Variants in CRTC3 observed in about 807,000 individuals in gnomAD.
The protein encoded by CRTC3 is CREB-regulated transcription coactivator 3.
Under a neutral mutation model 74.5 loss-of-function variants are expected in CRTC3, and 26 were observed. The ratio of observed to expected loss-of-function variants is 0.35; its 90% CI spans 0.26 to 0.48. The LOEUF (loss-of-function observed/expected upper bound fraction) is 0.48, where lower values mean the gene tolerates loss of function less well. Among genes scored for constraint, CRTC3 ranks in the 20% least tolerant of loss-of-function variants. The probability of loss-of-function intolerance (pLI) is 0.99; values close to 1 mark genes in which losing one functional copy is unlikely to be tolerated. For missense variants in CRTC3, 760 were observed against 787.3 expected, an observed-to-expected ratio of 0.97 and a Z score of 0.41; for synonymous variants, 377 against 325.8, an observed-to-expected ratio of 1.16 and a Z score of -1.69.
At chr15:90,621,934 A>G (rs1337384465) in intron 9 of CRTC3, among the ~76,000 whole-genome samples, 1 of 152,252 alleles carries the variant, frequency 6.6e-6, no homozygotes, top group Non-Finnish European at 1.5e-5. Flanking sequence ...ATAATCTAGT[A>G]GAGCAAGATG....
At chr15:90,603,311 C>G (rs1291897292) in intron 4 of CRTC3, among the ~76,000 whole-genome samples, 1 of 149,240 alleles carries the variant, frequency 6.7e-6, no homozygotes, top group Admixed American at 6.7e-5. Context: ...GGCGTGGTGG[C>G]AGGCGCCTGT....
chr15:90,564,381 C>T (rs113429526), intron 2 of CRTC3, among the ~76,000 whole-genome samples: 9,696 of 152,186 alleles, frequency 0.064, 1,030 homozygotes, highest in African/African-American at 0.22. Flanking sequence ...GTAGTAGCTG[C>T]TCCTTTGCCT....
intron 10 of CRTC3, 35 bp from the exon 11 acceptor site, chr15:90,629,199 A>C (rs1469672438): frequency 6.3e-7 from 1 of 1,587,654 alleles, no homozygotes; most frequent in Non-Finnish European, 8.6e-7. Flanking sequence ...TTTGGTCTGA[A>C]ATTATAAGTA....
intron 2 of CRTC3, among the ~76,000 whole-genome samples, chr15:90,547,910 G>A (rs1395460882): frequency 2.1e-5 from 1 of 47,654 alleles, no homozygotes; most frequent in South Asian, 5.7e-4. Context: ...TTTTTTTTTT[G>A]TGACAAGGTC....
chr15:90,536,405 C>T (rs7176518), intron 1 of CRTC3, among the ~76,000 whole-genome samples: 71,064 of 149,084 alleles, frequency 0.48, 17,636 homozygotes, highest in Non-Finnish European at 0.55. Context: ...GGCGTGGTGG[C>T]GCGTGCCTGT....
At chr15:90,604,750 G>A (rs1968171858) in intron 5 of CRTC3, among the ~76,000 whole-genome samples, 1 of 152,166 alleles carries the variant, frequency 6.6e-6, no homozygotes, top group Non-Finnish European at 1.5e-5. Context: ...TGGGTTGGTT[G>A]TGAGGGTTGA....
chr15:90,569,007 T>TA (rs1181566177), intron 2 of CRTC3, among the ~76,000 whole-genome samples: 1 of 151,398 alleles, frequency 6.6e-6, no homozygotes, highest in Non-Finnish European at 1.5e-5. Flanking sequence ...TTTTTTTTTT[T>TA]AAAGAGACAG....
At chr15:90,632,944 G>GTGTT (rs1969094098) in intron 11 of CRTC3, among the ~76,000 whole-genome samples, 1 of 152,066 alleles carries the variant, frequency 6.6e-6, no homozygotes, top group African/African-American at 2.4e-5. Context: ...TACATTTTTG[G>GTGTT]TGTTAGGCAT....
intron 3 of CRTC3, chr15:90,600,363 A>G (rs146509780): frequency 5.9e-5 from 9 of 152,374 alleles, no homozygotes; most frequent in East Asian, 1.9e-4. Context: ...GCCCCACTCC[A>G]TCAAGGCTCC....
At position 90,622,808 on chromosome 15, in the gene CRTC3, A is replaced by G. The variant is rs1218255098; in HGVS notation, c.750-2968A>G. Among the ~76,000 whole-genome samples, 6 of 149,266 alleles carry G rather than the reference A, an allele frequency of 4.0e-5. No individual in the cohort carries two copies. The South Asian group carries it at 1.0e-3, about 26-fold the overall frequency. ...AGAGGTTGCAGTGAGCCAAGATCGC[A>G]CCACTGCACTCCAGCCTGGGCGACA... On this transcript the variant is annotated intron_variant, in intron 9 of 14. Transcript: ENST00000268184.
intron 2 of CRTC3, among the ~76,000 whole-genome samples, chr15:90,568,916 AGT>A (rs1032091303): frequency 2.0e-5 from 3 of 152,160 alleles, no homozygotes; most frequent in Non-Finnish European, 2.9e-5. Flanking sequence ...TTTAAATTAA[AGT>A]GTATATATTT....
intron 2 of CRTC3, among the ~76,000 whole-genome samples, chr15:90,551,969 A>AC (rs1966859420): frequency 7.0e-6 from 1 of 141,946 alleles, no homozygotes; most frequent in Non-Finnish European, 1.6e-5. Flanking sequence ...CACACACACA[A>AC]ATGTCTTCTA....
At chr15:90,566,455 CAGG>C (rs1418202234) in intron 2 of CRTC3, among the ~76,000 whole-genome samples, 1 of 151,282 alleles carries the variant, frequency 6.6e-6, no homozygotes, top group Admixed American at 6.6e-5. Context: ...AAGGCTGAGG[CAGG>C]AGAATTGCTT....
At chr15:90,539,185 A>C (rs1273875385) in intron 1 of CRTC3, among the ~76,000 whole-genome samples, 1 of 152,238 alleles carries the variant, frequency 6.6e-6, no homozygotes, top group African/African-American at 2.4e-5. Context: ...GAGCTAATTT[A>C]TTATTTTAGA....
chr15:90,576,921 C>A (rs894521635), intron 2 of CRTC3, among the ~76,000 whole-genome samples: 27 of 152,130 alleles, frequency 1.8e-4, no homozygotes, highest in Non-Finnish European at 1.3e-4. Context: ...AGGAGAGACA[C>A]CGGGACACCG....
At chr15:90,561,170 A>C (rs1427573620) in intron 2 of CRTC3, among the ~76,000 whole-genome samples, 3 of 152,200 alleles carry the variant, frequency 2.0e-5, no homozygotes, top group Non-Finnish European at 4.4e-5. Flanking sequence ...TAGGTAATGC[A>C]TGTAAATCCT....
At chr15:90,608,413 T>C (rs557439939) in intron 6 of CRTC3, among the ~76,000 whole-genome samples, 3 of 152,206 alleles carry the variant, frequency 2.0e-5, no homozygotes, top group African/African-American at 7.2e-5. Context: ...GCGAACCACT[T>C]TGGGTTCTAC....
chr15:90,629,633 C>A, intron 11 of CRTC3, 101 bp downstream of exon 11: 1 of 1,194,432 alleles, frequency 8.4e-7, no homozygotes. Flanking sequence ...CTCATTATTA[C>A]ACCAAGCACC....
At chr15:90,620,894 C>T (rs1968627668) in intron 9 of CRTC3, among the ~76,000 whole-genome samples, 1 of 152,194 alleles carries the variant, frequency 6.6e-6, no homozygotes, top group East Asian at 1.9e-4. Context: ...GAGTATCTCA[C>T]AGCAGCGCAG....
Sources: gnomAD v4.1 joint callset for allele counts (sites outside exome capture counted in the v4.1 genomes callset) on GRCh38, gnomAD v4.1.1 for gene constraint, MANE v1.5 for transcripts, NCBI Gene and HGNC (gene_info 2026-07-23, HGNC 2026-07-21) for gene names.